SAAL1: variants seen among roughly 807,000 people sequenced by gnomAD.
SAAL1 encodes protein SAAL1.
A neutral mutation model predicts 59.8 loss-of-function variants in SAAL1; 42 were observed. The ratio of observed to expected loss-of-function variants is 0.70; its 90% CI spans 0.55 to 0.91. SAAL1 has a LOEUF of 0.91. Among genes scored for constraint, SAAL1 ranks in the 40% least tolerant of loss-of-function variants. The pLI is 0.00. For synonymous variants in SAAL1, 191 were observed against 194.3 expected (o/e 0.98, Z 0.14); for missense variants, 542 against 561.1 (o/e 0.97, Z 0.34).
At chr11:18,092,394 AC>A in intron 3 of SAAL1, 70 bp from the exon 4 acceptor site, 4 of 1,056,508 alleles carry the variant, frequency 3.8e-6, no homozygotes, top group Non-Finnish European at 5.9e-6. Context: ...ATCAACTTGA[AC>A]AAAAACTTTC....
At chr11:18,088,374 GTGTT>G (rs1254544376) in intron 7 of SAAL1, among the ~76,000 whole-genome samples, 3 of 152,188 alleles carry the variant, frequency 2.0e-5, no homozygotes, top group Non-Finnish European at 2.9e-5. Context: ...TACCCAAGCT[GTGTT>G]TGTTTGTTTG....
chr11:18,083,381 TGTTTTTAAGA>T, intron 10 of SAAL1, 144 bp downstream of exon 10: 1 of 519,306 alleles, frequency 1.9e-6, no homozygotes, highest in Non-Finnish European at 3.4e-6. Flanking sequence ...ATCAGCTAGT[TGTTTTTAAGA>T]TTATAAACTC....
At chr11:18,084,781 G>C (rs1004588281) in intron 9 of SAAL1, among the ~76,000 whole-genome samples, 7 of 152,186 alleles carry the variant, frequency 4.6e-5, no homozygotes, top group South Asian at 2.1e-4. Flanking sequence ...TTTTTGGAGG[G>C]GGGGTGCGGA....
chr11:18,080,390 A>G lies in SAAL1; in HGVS notation c.*9T>C. 2 of 1,543,734 alleles carry G rather than the reference A, an allele frequency of 1.3e-6. No individual in the cohort carries two copies. The highest frequency in any genetic ancestry group is 2.4e-5 in the South Asian group (2 of 83,974). ...TATTTCTTGTACAGAAGTAATTCCA[A>G]TTCAGGTTTTAAGTCTGAACCTTCA... On this transcript the variant is annotated 3_prime_UTR_variant, in exon 12 of 12. Coordinates refer to ENST00000524803, the MANE Select transcript of SAAL1 (RefSeq NM_138421.3).
At chr11:18,084,048 C>G (rs952868044) in intron 9 of SAAL1, among the ~76,000 whole-genome samples, 8 of 152,022 alleles carry the variant, frequency 5.3e-5, no homozygotes, top group African/African-American at 1.4e-4. Flanking sequence ...ATTAAAATAC[C>G]CTAGGAGGTC....
chr11:18,105,961 C>G lies in SAAL1; in HGVS notation c.81G>C (p.Gly27=). 1.4e-5 allele frequency: 23 copies of G among 1,609,502 alleles called. No homozygotes were observed. Among genetic ancestry groups the G allele is most frequent in the Non-Finnish European group, 2.0e-5 (23 of 1,178,452 alleles). The change falls in exon 1 of 12, where the codon GGG becomes GGC. Residue 27 remains glycine (G), a synonymous_variant. Coordinates refer to ENST00000524803, the MANE Select transcript of SAAL1 (RefSeq NM_138421.3). ...GCCAGTGTTTGCTGTAGACCGTGCT[C>G]CCTATGCAGTCTCCACCGGCCACCT... ...EEEVAGGDCI[G]STVYSKHWLF...
intron 7 of SAAL1, among the ~76,000 whole-genome samples, chr11:18,087,586 G>A (rs576399403): frequency 5.9e-5 from 9 of 152,296 alleles, no homozygotes; most frequent in East Asian, 1.9e-4. Context: ...TAGTATGAAC[G>A]TTAAGGTCCG....
Position 18,087,151 on chromosome 11 carries a change from T to A in SAAL1, c.845A>T (p.Gln282Leu). ...CCGATAAACCACCTTACCAATTGCT[T>A]GAATTCCATCATCCACTGTAGTAAG... ...QLLTTVDDGI[Q>L]AIVHCPDTGK... The change falls in exon 8 of 12, where the codon CAA (glutamine) becomes CTA (leucine). Residue 282 changes from glutamine (Q) to leucine (L), a missense_variant. Transcript: ENST00000524803. 1 of 1,612,486 alleles carries A rather than the reference T, an allele frequency of 6.2e-7. No homozygotes were observed. The highest frequency in any genetic ancestry group is 8.5e-7 in the Non-Finnish European group (1 of 1,178,484).
At chr11:18,105,659 T>C (rs767019113) in intron 1 of SAAL1, among the ~76,000 whole-genome samples, 4 of 152,070 alleles carry the variant, frequency 2.6e-5, no homozygotes, top group Non-Finnish European at 5.9e-5. Context: ...GAAAGCAAAA[T>C]AGAACGGCAA....
At position 18,083,614 on chromosome 11, in the gene SAAL1, G is replaced by A; in HGVS notation, c.1160C>T (p.Thr387Ile). Residue 387 changes from threonine (T) to isoleucine (I), a missense_variant, in exon 10 of 12, where the codon ACC becomes ATC. Thr to Ile is a moderately conservative substitution (Grantham distance 89). Coordinates refer to ENST00000524803, the MANE Select transcript of SAAL1 (RefSeq NM_138421.3). ...NTEETKRTDLTQDDFHLKILK... is the reference protein window; with the variant it reads ...NTEETKRTDLIQDDFHLKILK... ...GATTTTCAAGTGGAAATCATCTTGGGTTAAATCAGTCCTTTTAGTTTCCTC... is the reference window on the plus strand; with the variant it reads ...GATTTTCAAGTGGAAATCATCTTGGATTAAATCAGTCCTTTTAGTTTCCTC... The A allele has an allele frequency of 6.2e-7, 1 of 1,605,768 alleles. No homozygotes were observed. Among genetic ancestry groups the A allele is most frequent in the Non-Finnish European group, 8.5e-7 (1 of 1,172,726 alleles).
intron 2 of SAAL1, among the ~76,000 whole-genome samples, chr11:18,099,610 T>C (rs1848613264): frequency 6.6e-6 from 1 of 152,202 alleles, no homozygotes; most frequent in Non-Finnish European, 1.5e-5. Context: ...TGAGAAGGAA[T>C]TTAAATCCAT....
chr11:18,092,137 G>C (rs1156450916), intron 4 of SAAL1, 108 bp downstream of exon 4: 1 of 613,644 alleles, frequency 1.6e-6, no homozygotes, highest in Admixed American at 3.1e-5. Context: ...TGTTCATCAA[G>C]ACAAAGAAAG....
chr11:18,081,470 A>G lies in SAAL1; in HGVS notation c.1273T>C (p.Leu425=), dbSNP rs36125091. ...GCAGAGGAACACTTCTGTTTGCTCA[A>G]CTGGCCTTCCTTTACTCCCTGAGCC... The part of the protein sequence containing the change: ...TVAQGVKEGQ[L]SKQKCSSAFQ... The change falls in exon 11 of 12, where the codon TTG becomes CTG. Residue 425 remains leucine (L), a synonymous_variant. Coordinates refer to ENST00000524803, the MANE Select transcript of SAAL1 (RefSeq NM_138421.3). The G allele has an allele frequency of 6.5e-4, 1,045 of 1,614,096 alleles. 6 individuals carry two copies. In the African/African-American group the frequency reaches 9.4e-3, roughly 14 times the overall value.
At chr11:18,098,473 ATTAAGTC>A (rs984156753) in intron 2 of SAAL1, among the ~76,000 whole-genome samples, 1 of 152,230 alleles carries the variant, frequency 6.6e-6, no homozygotes, top group Non-Finnish European at 1.5e-5. Context: ...TATAAATAAA[ATTAAGTC>A]TCTGGCTGTC....
In SAAL1 at chr11:18,103,361, A is replaced by C. The variant is rs760263176; in HGVS notation, c.136-15T>G. ...GGGCTAACAATCTTCAGAAACACAA[A>C]GAAAGAAAACATGAATAAAAGTTGT... On this transcript the variant is annotated splice_polypyrimidine_tract_variant and intron_variant, in intron 1 of 11. Transcript: ENST00000524803. 1 of 1,585,034 alleles carries C rather than the reference A, an allele frequency of 6.3e-7. No individual in the cohort carries two copies. The highest frequency in any genetic ancestry group is 8.7e-7 in the Non-Finnish European group (1 of 1,154,410).
At chr11:18,105,461 C>A (rs1848679149) in intron 1 of SAAL1, among the ~76,000 whole-genome samples, 1 of 151,990 alleles carries the variant, frequency 6.6e-6, no homozygotes. Context: ...AGGTGAGCCA[C>A]CGCGCCTGGT....
intron 9 of SAAL1, among the ~76,000 whole-genome samples, chr11:18,085,536 C>T (rs1430115173): frequency 6.6e-6 from 1 of 152,150 alleles, no homozygotes; most frequent in Non-Finnish European, 1.5e-5. Context: ...AAGGGCATAA[C>T]ATATCCTATC....
rs1224547609 is a variant in SAAL1 at position 18,105,901 on chromosome 11, C to T, written c.135+6G>A. 1 of 1,593,746 alleles carries T rather than the reference C, an allele frequency of 6.3e-7. No individual in the cohort carries two copies. Among genetic ancestry groups the T allele is most frequent in the Non-Finnish European group, 8.5e-7 (1 of 1,171,270 alleles). ...GACACCCCACGCGTGGCGCGAGTTT[C>T]CACACCTGGATGAGTCCGCTGAGGA... On this transcript the variant is annotated splice_donor_region_variant and intron_variant, in intron 1 of 11. Transcript: ENST00000524803.
intron 9 of SAAL1, 100 bp from the exon 10 acceptor site, chr11:18,083,831 C>T: frequency 1.6e-6 from 1 of 638,582 alleles, no homozygotes; most frequent in Non-Finnish European, 2.5e-6. Context: ...TTGGGTATTA[C>T]AGATACACTG....
Sources: gnomAD v4.1 joint callset for allele counts (sites outside exome capture counted in the v4.1 genomes callset) on GRCh38, gnomAD v4.1.1 for gene constraint, MANE v1.5 for transcripts, NCBI Gene and HGNC (gene_info 2026-07-23, HGNC 2026-07-21) for gene names.